Variants in KIAA1671 observed in about 807,000 individuals in gnomAD.
KIAA1671 encodes the protein uncharacterized protein KIAA1671.
A neutral mutation model predicts 131.2 loss-of-function variants in KIAA1671; 52 were observed. The observed-to-expected ratio is 0.40, with a 90% CI of 0.32 to 0.50. The LOEUF is 0.50. Among genes scored for constraint, KIAA1671 ranks in the 20% least tolerant of loss-of-function variants. The pLI, the probability that KIAA1671 is intolerant of heterozygous loss-of-function variation, is 0.73. For synonymous variants in KIAA1671, 1,003 were observed against 961.6 expected (o/e 1.04, Z -0.80); for missense variants, 2,360 against 2,364.2 (o/e 1.00, Z 0.04).
At chr22:25,014,087 A>G (rs992943506) in intron 1 of KIAA1671, 5 of 152,206 alleles carry the variant, frequency 3.3e-5, no homozygotes, top group African/African-American at 1.2e-4. Flanking sequence ...TGGGAAAATA[A>G]TTGTATGTGG....
chr22:25,100,816 C>T (rs1478645134), intron 6 of KIAA1671, among the ~76,000 whole-genome samples: 1 of 152,152 alleles, frequency 6.6e-6, no homozygotes, highest in African/African-American at 2.4e-5. Flanking sequence ...TCATAGTAGA[C>T]ACTCAAGAAA....
intron 1 of KIAA1671, among the ~76,000 whole-genome samples, chr22:24,989,949 GC>G (rs1372921240): frequency 6.6e-6 from 1 of 152,106 alleles, no homozygotes; most frequent in Non-Finnish European, 1.5e-5. Context: ...ATGGTAGAGA[GC>G]TTTTTCTAGC....
intron 6 of KIAA1671, among the ~76,000 whole-genome samples, chr22:25,068,994 C>T (rs959294291): frequency 1.4e-5 from 2 of 146,326 alleles, no homozygotes; most frequent in Non-Finnish European, 3.0e-5. Context: ...TTGCATCCGG[C>T]GCTCACTTGC....
intron 5 of KIAA1671, chr22:25,048,907 A>G (rs9624709): frequency 0.2 from 53,062 of 268,432 alleles, 8,110 homozygotes; most frequent in African/African-American, 0.51. Context: ...GCTATACTGC[A>G]TCATGTACAT....
rs543849692 is a variant in KIAA1671, at chr22:25,196,893, A to T, written c.*4492A>T. On this transcript the variant is annotated 3_prime_UTR_variant, in exon 13 of 13. Coordinates refer to ENST00000358431, the MANE Select transcript of KIAA1671 (RefSeq NM_001145206.2). ...CCTAAAGTCATGCACTTCCCAGATG[A>T]TCGTGATCCTCCAAATGCTTTGTAA... is the stretch of plus-strand genomic sequence containing the variant. 6.6e-6 allele frequency: 1 copy of T among 152,232 alleles called. No homozygotes were observed. The highest frequency in any genetic ancestry group is 2.1e-4 in the South Asian group (1 of 4,814). The allele number at this position is 152,232 out of a possible 1,614,324, so 9.4% of individuals were successfully genotyped here.
At chr22:24,975,141 G>A (rs1208776834) in intron 1 of KIAA1671, among the ~76,000 whole-genome samples, 2 of 152,142 alleles carry the variant, frequency 1.3e-5, no homozygotes, top group Non-Finnish European at 2.9e-5. Context: ...CCCTTCACCA[G>A]TTTCCTCCTC....
In KIAA1671 at chr22:25,042,716, G is replaced by T. The variant is rs371902907; in HGVS notation, c.4395+1191G>T. 5.3e-5 allele frequency among the ~76,000 whole-genome samples: 8 copies of T among 151,486 alleles called. 1 individual carries two copies. The highest frequency in any genetic ancestry group is 1.2e-4 in the Non-Finnish European group (8 of 67,866). The stretch of plus-strand genomic sequence containing the variant: ...TCTTGAACTCCTGACCTCGTGATCC[G>T]CCCACCTTGACCTCCCAAAGTGCTG... On this transcript the variant is annotated intron_variant, in intron 5 of 12. Transcript: ENST00000358431.
intron 6 of KIAA1671, among the ~76,000 whole-genome samples, chr22:25,115,101 G>A (rs974187329): frequency 6.6e-6 from 1 of 152,220 alleles, no homozygotes; most frequent in African/African-American, 2.4e-5. Context: ...AGGGATAAAA[G>A]GGGGAAAGAG....
At chr22:25,136,861 G>C (rs1601347017) in intron 6 of KIAA1671, among the ~76,000 whole-genome samples, 1 of 152,126 alleles carries the variant, frequency 6.6e-6, no homozygotes, top group Non-Finnish European at 1.5e-5. Flanking sequence ...CCTAGTTGGG[G>C]GATAGACAAG....
At chr22:24,961,447 G>C (rs1922010927) in intron 1 of KIAA1671, among the ~76,000 whole-genome samples, 1 of 152,178 alleles carries the variant, frequency 6.6e-6, no homozygotes, top group African/African-American at 2.4e-5. Flanking sequence ...ACATCGCAGT[G>C]GCCTTTAACA....
At chr22:25,113,401 G>A (rs1931482883) in intron 6 of KIAA1671, among the ~76,000 whole-genome samples, 1 of 152,246 alleles carries the variant, frequency 6.6e-6, no homozygotes, top group African/African-American at 2.4e-5. Context: ...ACCTGACTGT[G>A]TTGGCCCAGT....
rs553804262 is a variant in KIAA1671 at position 25,174,538 on chromosome 22, C to T, written c.4899+49C>T. ...TCTTCTTAAATGGAAATTCCAGCCT[C>T]TCTCTGTGAATTGCCACTTCAGGTG... On this transcript the variant is annotated intron_variant, in intron 8 of 12. Transcript: ENST00000358431. The T allele has an allele frequency of 6.2e-5, 91 of 1,472,746 alleles. No homozygotes were observed. In the African/African-American group the frequency reaches 1.2e-3, roughly 19 times the overall value. The allele number at this position is 1,472,746 out of a possible 1,614,324, so 91.2% of individuals were successfully genotyped here. A position where few individuals can be genotyped will look rare whatever the true frequency, so the allele number is the denominator to read the frequency against.
intron 4 of KIAA1671, 58 bp downstream of exon 4, chr22:25,032,754 GAGAA>G: frequency 9.3e-7 from 1 of 1,075,066 alleles, no homozygotes; most frequent in Non-Finnish European, 1.4e-6. Context: ...ATGGCTGCTG[GAGAA>G]AGAGCCTCCA....
At chr22:25,094,493 G>C (rs989876476) in intron 6 of KIAA1671, among the ~76,000 whole-genome samples, 38 of 152,084 alleles carry the variant, frequency 2.5e-4, no homozygotes, top group Admixed American at 2.5e-3. Context: ...GGAAGTAAAA[G>C]GTGAGAGTGA....
intron 6 of KIAA1671, among the ~76,000 whole-genome samples, chr22:25,091,112 C>T (rs779170181): frequency 9.9e-5 from 15 of 152,090 alleles, no homozygotes; most frequent in Non-Finnish European, 2.1e-4. Context: ...GGCTGGAGTA[C>T]AGTGGCGTGA....
At chr22:25,167,056 A>G (rs1388418158) in intron 6 of KIAA1671, among the ~76,000 whole-genome samples, 1 of 152,188 alleles carries the variant, frequency 6.6e-6, no homozygotes. Context: ...CTTTGAAAAC[A>G]GTAAGGAGCT....
chr22:25,132,392 G>C (rs184122471), intron 6 of KIAA1671, among the ~76,000 whole-genome samples: 1 of 152,182 alleles, frequency 6.6e-6, no homozygotes, highest in Non-Finnish European at 1.5e-5. Flanking sequence ...ACTGGGGTCA[G>C]GGGGCATAGC....
In KIAA1671 at chr22:25,040,997, C is replaced by A; in HGVS notation, c.3867C>A (p.Gly1289=). 6.8e-7 allele frequency: 1 copy of A among 1,476,352 alleles called. No individual in the cohort carries two copies. The highest frequency in any genetic ancestry group is 9.0e-7 in the Non-Finnish European group (1 of 1,113,104). 91.5% of individuals were successfully genotyped at this position (1,476,352 alleles called of 1,614,324 possible). The part of the protein sequence containing the change: ...QLAETLETAM[G]TKSSPPFWAL... ...CAGAGACCTTGGAGACAGCCATGGG[C>A]ACCAAATCTAGCCCTCCCTTCTGGG... is the stretch of plus-strand genomic sequence containing the variant. The change falls in exon 5 of 13, where the codon GGC becomes GGA. Residue 1289 remains glycine, a synonymous_variant. Coordinates refer to ENST00000358431, the MANE Select transcript of KIAA1671 (RefSeq NM_001145206.2).
At chr22:24,957,536 C>T (rs1006910297) in intron 1 of KIAA1671, among the ~76,000 whole-genome samples, 31 of 152,086 alleles carry the variant, frequency 2.0e-4, no homozygotes, top group Non-Finnish European at 1.5e-5. Flanking sequence ...GAGTGTGAAC[C>T]TAGATAAGCC....
Sources: allele counts gnomAD v4.1 joint callset (sites outside exome capture counted in the v4.1 genomes callset), GRCh38; gene constraint gnomAD v4.1.1; transcripts MANE v1.5; gene names NCBI Gene and HGNC (gene_info 2026-07-23, HGNC 2026-07-21).